NF1: variants seen among roughly 807,000 people sequenced by gnomAD.
NF1 encodes neurofibromin 1.
NF1 carries 122 observed loss-of-function variants against 325.7 expected under a neutral mutation model. The ratio of observed to expected loss-of-function variants is 0.37; its 90% confidence interval spans 0.32 to 0.44. The LOEUF is 0.44. Among genes scored for constraint, NF1 ranks in the 20% least tolerant of loss-of-function variants. NF1 has a pLI of 1.00. For synonymous variants in NF1, 1,091 were observed against 1,186.0 expected (o/e 0.92, Z 1.65); for missense variants, 2,140 against 3,415.4 (o/e 0.63, Z 9.31).
rs1180915949 is a variant in NF1, at chr17:31,337,900, TAA to T, written c.6704+21_6704+22del. The T allele has an allele frequency of 1.2e-6, 2 of 1,609,644 alleles. No homozygotes were observed. Among genetic ancestry groups the T allele is most frequent in the Non-Finnish European group, 1.7e-6 (2 of 1,176,406 alleles). ...TCAAAGGTATGTCCTAAATTAAATA[TAA>T]GTTGTAAAAATATGCATATTGTTGA... On this transcript the variant is annotated intron_variant, in intron 44 of 57. Coordinates refer to ENST00000358273, the MANE Select transcript of NF1 (RefSeq NM_001042492.3).
At chr17:31,210,745 A>G (rs528638006) in intron 12 of NF1, among the ~76,000 whole-genome samples, 11 of 152,344 alleles carry the variant, frequency 7.2e-5, no homozygotes, top group African/African-American at 2.6e-4. Flanking sequence ...GATAAAAGCT[A>G]TTAAACTGCT....
intron 57 of NF1, among the ~76,000 whole-genome samples, chr17:31,366,687 A>C (rs939746164): frequency 6.6e-6 from 1 of 152,182 alleles, no homozygotes; most frequent in African/African-American, 2.4e-5. Flanking sequence ...CCAAGAGTTC[A>C]AGTCTGGCCT....
At position 31,293,166 on chromosome 17, in the gene NF1, G is replaced by A. The variant is rs1419352156; in HGVS notation, c.4835+27827G>A. ...GCACTCCAGCCTGGGGGATAAGAGC[G>A]AGACTTCGTCTCAAAAAAAAAAAAA... On this transcript the variant is annotated intron_variant, in intron 36 of 57. Transcript: ENST00000358273. Among the ~76,000 whole-genome samples the A allele has an allele frequency of 1.7e-3, 172 of 102,700 alleles. 1 individual carries two copies. The highest frequency in any genetic ancestry group is 3.6e-4 in the Non-Finnish European group (17 of 46,892). 67.4% of individuals were successfully genotyped at this position (102,700 alleles called of 152,430 possible). A position where few individuals can be genotyped will look rare whatever the true frequency, so the allele number is the denominator to read the frequency against.
At chr17:31,227,398 T>TA (rs2067034547) in intron 19 of NF1, 107 bp downstream of exon 19, 5 of 1,422,544 alleles carry the variant, frequency 3.5e-6, no homozygotes, top group African/African-American at 1.4e-5. Context: ...AAATCCAAGA[T>TA]ACGTGCATAT....
intron 42 of NF1, 141 bp from the exon 43 acceptor site, chr17:31,337,227 A>G (rs2069699607): frequency 1.4e-6 from 1 of 733,424 alleles, no homozygotes; most frequent in Non-Finnish European, 2.3e-6. Context: ...AATACAATGT[A>G]TCTAGAGGTT....
intron 31 of NF1, among the ~76,000 whole-genome samples, chr17:31,254,822 G>A (rs1302244625): frequency 2.0e-5 from 3 of 151,820 alleles, no homozygotes; most frequent in Non-Finnish European, 2.9e-5. Context: ...CAGGTAATAC[G>A]AGCTCCTCAT....
At chr17:31,314,024 C>G (rs912161316) in intron 36 of NF1, 3 of 397,996 alleles carry the variant, frequency 7.5e-6, no homozygotes, top group African/African-American at 6.2e-5. Context: ...CTTGTTCTAA[C>G]TGGACATTTT....
chr17:31,305,606 C>G, intron 36 of NF1: 1 of 1,610,648 alleles, frequency 6.2e-7, no homozygotes, highest in Non-Finnish European at 8.5e-7. Context: ...TATTTGGGAT[C>G]CATTTCAGAA....
chr17:31,108,824 G>T (rs1450830532), intron 1 of NF1, among the ~76,000 whole-genome samples: 1 of 152,096 alleles, frequency 6.6e-6, no homozygotes, highest in African/African-American at 2.4e-5. Flanking sequence ...TTAACAGGGG[G>T]GCAAGCCAAG....
intron 1 of NF1, among the ~76,000 whole-genome samples, chr17:31,119,715 T>C (rs2143374259): frequency 6.6e-6 from 1 of 152,232 alleles, no homozygotes. Flanking sequence ...ATTGCCTAGG[T>C]TTTCTTCTAG....
At chr17:31,248,953 G>A (rs2151451199) in intron 29 of NF1, 31 bp from the exon 30 acceptor site, 1 of 1,610,482 alleles carries the variant, frequency 6.2e-7, no homozygotes, top group South Asian at 1.1e-5. Flanking sequence ...TTAAACAAAA[G>A]TGTTAGGATT....
At chr17:31,270,998 G>A (rs968754636) in intron 36 of NF1, among the ~76,000 whole-genome samples, 2 of 152,150 alleles carry the variant, frequency 1.3e-5, no homozygotes, top group African/African-American at 4.8e-5. Context: ...ACTAAAGTTT[G>A]GGAATCTCAC....
intron 40 of NF1, among the ~76,000 whole-genome samples, chr17:31,335,730 G>GT (rs2069649604): frequency 6.6e-6 from 1 of 151,738 alleles, no homozygotes; most frequent in African/African-American, 2.4e-5. Context: ...CCAGGCTGGA[G>GT]TGCAGTGGTA....
At chr17:31,157,280 C>T (rs1018180751) in intron 2 of NF1, among the ~76,000 whole-genome samples, 4 of 152,096 alleles carry the variant, frequency 2.6e-5, no homozygotes, top group Non-Finnish European at 4.4e-5. Flanking sequence ...TGAGCCACCG[C>T]GCCCAGCCTG....
intron 35 of NF1, among the ~76,000 whole-genome samples, chr17:31,264,033 T>C (rs1220302240): frequency 6.6e-6 from 1 of 152,180 alleles, no homozygotes; most frequent in African/African-American, 2.4e-5. Context: ...CATGATGGGC[T>C]GAGCTAATGC....
intron 36 of NF1, among the ~76,000 whole-genome samples, chr17:31,267,535 A>G (rs1248432830): frequency 6.6e-6 from 1 of 152,188 alleles, no homozygotes; most frequent in Non-Finnish European, 1.5e-5. Flanking sequence ...TACACAGTAT[A>G]TCAGAGCAGA....
At chr17:31,130,679 T>G (rs1015500881) in intron 1 of NF1, among the ~76,000 whole-genome samples, 8 of 152,150 alleles carry the variant, frequency 5.3e-5, no homozygotes, top group African/African-American at 1.9e-4. Context: ...TACCTGCCAG[T>G]GCTCCCTTGA....
chr17:31,149,559 G>A (rs192075860), intron 1 of NF1, among the ~76,000 whole-genome samples: 3 of 152,116 alleles, frequency 2.0e-5, no homozygotes, highest in Non-Finnish European at 2.9e-5. Flanking sequence ...TTTGTATTTA[G>A]AAAGATTTAT....
intron 29 of NF1, among the ~76,000 whole-genome samples, chr17:31,237,085 T>C (rs1160006677): frequency 6.6e-6 from 1 of 152,210 alleles, no homozygotes; most frequent in East Asian, 1.9e-4. Context: ...GACTTTATTT[T>C]TTACTTTTAA....
Sources: gnomAD v4.1 joint callset for allele counts (sites outside exome capture counted in the v4.1 genomes callset) on GRCh38, gnomAD v4.1.1 for gene constraint, MANE v1.5 for transcripts, NCBI Gene and HGNC (gene_info 2026-07-23, HGNC 2026-07-21) for gene names.